PLCXD3: variants seen among roughly 807,000 people sequenced by gnomAD.
PLCXD3 encodes PI-PLC X domain-containing protein 3.
PLCXD3 carries 19 observed loss-of-function variants against 25.5 expected under a neutral mutation model. That is an observed-to-expected ratio of 0.75 (90% confidence interval 0.52 to 1.09). The LOEUF (loss-of-function observed/expected upper bound fraction) is 1.09. Ranked by LOEUF, PLCXD3 falls within the 50% of genes least tolerant of loss-of-function variation. PLCXD3 has a pLI of 0.00. For missense variants in PLCXD3, 411 were observed against 388.1 expected (o/e 1.06, Z -0.50); for synonymous variants, 174 against 137.6 (o/e 1.26, Z -1.85).
intron 1 of PLCXD3, among the ~76,000 whole-genome samples, chr5:41,454,118 C>A (rs753600982): frequency 6.6e-6 from 1 of 151,880 alleles, no homozygotes; most frequent in Non-Finnish European, 1.5e-5. Flanking sequence ...TAAATAAAGT[C>A]CTCCCAAATA....
At chr5:41,361,375 TC>T (rs1213152244) in intron 2 of PLCXD3, among the ~76,000 whole-genome samples, 32 of 152,214 alleles carry the variant, frequency 2.1e-4, no homozygotes, top group African/African-American at 7.7e-4. Context: ...TTTTGGTGTC[TC>T]AGGGAGCCTG....
At chr5:41,377,040 A>G (rs1745317061) in intron 2 of PLCXD3, among the ~76,000 whole-genome samples, 1 of 152,116 alleles carries the variant, frequency 6.6e-6, no homozygotes, top group Non-Finnish European at 1.5e-5. Flanking sequence ...GAGATCAGTC[A>G]CTTGAACTAC....
At chr5:41,470,531 C>T (rs1748128817) in intron 1 of PLCXD3, among the ~76,000 whole-genome samples, 1 of 152,068 alleles carries the variant, frequency 6.6e-6, no homozygotes, top group Admixed American at 6.5e-5. Context: ...AATTTTTCCC[C>T]CTAAAACTGA....
intron 1 of PLCXD3, among the ~76,000 whole-genome samples, chr5:41,500,478 A>G (rs1321798583): frequency 2.6e-5 from 4 of 151,858 alleles, no homozygotes; most frequent in Non-Finnish European, 5.9e-5. Context: ...TACAATGTAT[A>G]TTATTTGAGT....
At chr5:41,443,985 T>C (rs1174634878) in intron 1 of PLCXD3, among the ~76,000 whole-genome samples, 4 of 152,228 alleles carry the variant, frequency 2.6e-5, no homozygotes, top group Non-Finnish European at 4.4e-5. Flanking sequence ...TAAAATAGTA[T>C]TCTTTTAAAT....
At chr5:41,502,598 C>T (rs140481777) in intron 1 of PLCXD3, among the ~76,000 whole-genome samples, 3,430 of 152,128 alleles carry the variant, frequency 0.023, 82 homozygotes, top group Admixed American at 0.074. Context: ...AATGAATTTA[C>T]TAAGGAAGTG....
chr5:41,392,118 T>C (rs1012751147), intron 1 of PLCXD3, among the ~76,000 whole-genome samples: 2 of 152,196 alleles, frequency 1.3e-5, no homozygotes, highest in African/African-American at 4.8e-5. Flanking sequence ...ACCCAAGGCC[T>C]GGGGTACCTG....
chr5:41,356,639 T>C (rs1462045120), intron 2 of PLCXD3, among the ~76,000 whole-genome samples: 3 of 152,234 alleles, frequency 2.0e-5, no homozygotes, highest in Non-Finnish European at 4.4e-5. Flanking sequence ...TAATCCAGTT[T>C]ATCTATCACT....
chr5:41,450,767 T>A (rs775820200), intron 1 of PLCXD3, among the ~76,000 whole-genome samples: 3 of 152,080 alleles, frequency 2.0e-5, no homozygotes, highest in Non-Finnish European at 4.4e-5. Flanking sequence ...TTCTCCATGA[T>A]GTATATAGTG....
At chr5:41,408,775 C>T (rs780974511) in intron 1 of PLCXD3, among the ~76,000 whole-genome samples, 5 of 152,164 alleles carry the variant, frequency 3.3e-5, no homozygotes, top group Non-Finnish European at 7.4e-5. Flanking sequence ...ACCCTTGAGG[C>T]CACCAAGCTG....
chr5:41,410,157 T>TTTTTTTTTTG (rs1190270095), intron 1 of PLCXD3, among the ~76,000 whole-genome samples: 1 of 120,934 alleles, frequency 8.3e-6, no homozygotes, highest in African/African-American at 3.2e-5. Context: ...TTTTTTTTTT[T>TTTTTTTTTTG]GAGACGGAGT....
intron 2 of PLCXD3, 93 bp from the exon 3 acceptor site, chr5:41,313,863 TTAAAA>T: frequency 7.2e-7 from 1 of 1,382,710 alleles, no homozygotes. Flanking sequence ...TTCTAGCTTA[TTAAAA>T]TAAATGTTTC....
chr5:41,397,646 G>T (rs951185736), intron 1 of PLCXD3, among the ~76,000 whole-genome samples: 8 of 152,150 alleles, frequency 5.3e-5, no homozygotes, highest in Admixed American at 5.2e-4. Flanking sequence ...CCCCCAGAAT[G>T]GTAGATCCAC....
chr5:41,482,141 C>A (rs1334613936), intron 1 of PLCXD3, among the ~76,000 whole-genome samples: 1 of 152,020 alleles, frequency 6.6e-6, no homozygotes, highest in Non-Finnish European at 1.5e-5. Flanking sequence ...TAGGTGAATT[C>A]TTTCAATGGG....
At chr5:41,343,189 T>C (rs1744207494) in intron 2 of PLCXD3, among the ~76,000 whole-genome samples, 2 of 152,184 alleles carry the variant, frequency 1.3e-5, no homozygotes, top group Non-Finnish European at 2.9e-5. Context: ...CTTACCCATT[T>C]TGGGCTTCTA....
intron 1 of PLCXD3, among the ~76,000 whole-genome samples, chr5:41,447,860 C>T (rs1428824222): frequency 6.6e-6 from 1 of 152,212 alleles, no homozygotes; most frequent in Admixed American, 6.5e-5. Context: ...AAGGCAAAGG[C>T]CATTAACTTG....
intron 1 of PLCXD3, among the ~76,000 whole-genome samples, chr5:41,508,044 C>T (rs1016140814): frequency 2.6e-5 from 4 of 151,998 alleles, no homozygotes; most frequent in South Asian, 2.1e-4. Context: ...CAGAAACATG[C>T]GAGTATTCAG....
intron 2 of PLCXD3, among the ~76,000 whole-genome samples, chr5:41,375,246 C>T (rs1357639102): frequency 6.6e-6 from 1 of 152,122 alleles, no homozygotes; most frequent in East Asian, 1.9e-4. Flanking sequence ...TGGCTTTACC[C>T]GCTATCCTAT....
intron 1 of PLCXD3, among the ~76,000 whole-genome samples, chr5:41,458,719 A>G (rs576329771): frequency 1.3e-5 from 2 of 152,072 alleles, no homozygotes; most frequent in African/African-American, 2.4e-5. Context: ...CTAAAGCAGA[A>G]GAAATGAGCT....
Sources: allele counts gnomAD v4.1 joint callset (sites outside exome capture counted in the v4.1 genomes callset), GRCh38; gene constraint gnomAD v4.1.1; transcripts MANE v1.5; gene names NCBI Gene and HGNC (gene_info 2026-07-23, HGNC 2026-07-21).